The following LRMDA variants were observed in gnomAD, a reference collection of about 807,000 sequenced individuals.
The protein encoded by LRMDA is leucine rich melanocyte differentiation associated.
A neutral mutation model predicts 29.8 loss-of-function variants in LRMDA; 18 were observed. The ratio of observed to expected loss-of-function variants is 0.60; its 90% CI spans 0.42 to 0.90. The LOEUF is 0.90. Ranked by LOEUF, LRMDA falls within the 40% of genes least tolerant of loss-of-function variation. The probability of loss-of-function intolerance (pLI) is 0.00; values close to 1 mark genes in which losing one functional copy is unlikely to be tolerated. For synonymous variants in LRMDA, 125 were observed against 109.4 expected, an observed-to-expected ratio of 1.14 and a Z score of -0.89; for missense variants, 273 against 273.9, an observed-to-expected ratio of 1.00 and a Z score of 0.02.
At chr10:75,704,880 TGA>T (rs1273353737) in intron 2 of LRMDA, among the ~76,000 whole-genome samples, 2 of 152,040 alleles carry the variant, frequency 1.3e-5, no homozygotes, top group African/African-American at 4.8e-5. Context: ...AAGGGAACAG[TGA>T]GAGAGGAGAG....
In LRMDA at chr10:75,481,789, G is replaced by A. The variant is rs115323720; in HGVS notation, c.131+43295G>A. 7.6e-3 allele frequency among the ~76,000 whole-genome samples: 1,158 copies of A among 152,198 alleles called. 15 individuals are homozygous for A. Among genetic ancestry groups the A allele is most frequent in the African/African-American group, 0.026 (1,097 of 41,512 alleles). ...ACCACATTCTCCCTCTCTCTGCCCA[G>A]CCACACCATTCTTTCTTAAATGCCT... On this transcript the variant is annotated intron_variant, in intron 2 of 6. Coordinates refer to ENST00000611255, the MANE Select transcript of LRMDA (RefSeq NM_001305581.2).
chr10:76,343,629 C>G (rs1297691773), intron 6 of LRMDA, among the ~76,000 whole-genome samples: 1 of 152,072 alleles, frequency 6.6e-6, no homozygotes, highest in Non-Finnish European at 1.5e-5. Context: ...ACACATCCAT[C>G]TCAGTCCAAA....
chr10:75,782,108 G>T (rs925759020), intron 2 of LRMDA, among the ~76,000 whole-genome samples: 18 of 152,198 alleles, frequency 1.2e-4, no homozygotes, highest in Non-Finnish European at 7.3e-5. Flanking sequence ...TTGATGACCT[G>T]CTGAGGTATT....
intron 2 of LRMDA, among the ~76,000 whole-genome samples, chr10:75,832,867 C>T (rs778514214): frequency 9.2e-5 from 14 of 152,186 alleles, no homozygotes; most frequent in African/African-American, 2.7e-4. Flanking sequence ...GAGAACAACA[C>T]GAGAAAGACC....
intron 4 of LRMDA, among the ~76,000 whole-genome samples, chr10:76,049,431 G>A (rs1848494458): frequency 6.6e-6 from 1 of 152,226 alleles, no homozygotes; most frequent in African/African-American, 2.4e-5. Context: ...CAGTAAATAT[G>A]TTCCCATGTA....
chr10:76,326,401 G>C (rs908742596), intron 6 of LRMDA, among the ~76,000 whole-genome samples: 9 of 152,102 alleles, frequency 5.9e-5, no homozygotes, highest in African/African-American at 2.2e-4. Flanking sequence ...TCAAGTTTCT[G>C]ATCATGTACA....
At chr10:76,088,824 G>C (rs1450768461) in intron 5 of LRMDA, among the ~76,000 whole-genome samples, 1 of 151,974 alleles carries the variant, frequency 6.6e-6, no homozygotes, top group Non-Finnish European at 1.5e-5. Flanking sequence ...CCATATTCTA[G>C]AATGAACAAT....
intron 5 of LRMDA, among the ~76,000 whole-genome samples, chr10:76,204,649 C>T (rs1393094843): frequency 6.6e-6 from 1 of 152,192 alleles, no homozygotes; most frequent in Admixed American, 6.5e-5. Flanking sequence ...GGCTCTTTCC[C>T]TAAGATACAA....
At chr10:76,494,280 T>G (rs978067739) in intron 6 of LRMDA, among the ~76,000 whole-genome samples, 2 of 151,302 alleles carry the variant, frequency 1.3e-5, no homozygotes, top group Non-Finnish European at 3.0e-5. Context: ...AGTTTTTAAC[T>G]AAAAATTTAG....
chr10:76,096,796 A>G (rs1849318219), intron 5 of LRMDA, among the ~76,000 whole-genome samples: 1 of 152,112 alleles, frequency 6.6e-6, no homozygotes, highest in Non-Finnish European at 1.5e-5. Context: ...AATTTTCAGC[A>G]TATAAATCTT....
intron 6 of LRMDA, among the ~76,000 whole-genome samples, chr10:76,409,032 C>G (rs539210963): frequency 6.6e-6 from 1 of 152,254 alleles, no homozygotes; most frequent in African/African-American, 2.4e-5. Flanking sequence ...TCATTACTAC[C>G]ATCTGGAGAC....
intron 6 of LRMDA, among the ~76,000 whole-genome samples, chr10:76,328,039 T>C (rs1166594754): frequency 6.6e-6 from 1 of 152,208 alleles, no homozygotes; most frequent in Non-Finnish European, 1.5e-5. Context: ...AAGATACAGA[T>C]TGTGGTACAC....
At chr10:75,759,928 A>G (rs1181377249) in intron 2 of LRMDA, among the ~76,000 whole-genome samples, 1 of 152,222 alleles carries the variant, frequency 6.6e-6, no homozygotes, top group Non-Finnish European at 1.5e-5. Flanking sequence ...CTATTTTTAT[A>G]AAGTACATGC....
At chr10:75,444,293 C>CT (rs1365221851) in intron 2 of LRMDA, among the ~76,000 whole-genome samples, 2 of 152,180 alleles carry the variant, frequency 1.3e-5, no homozygotes, top group Admixed American at 1.3e-4. Flanking sequence ...TTTTGTGACT[C>CT]TTTTCTGGGG....
At chr10:76,154,303 G>T (rs1031898002) in intron 5 of LRMDA, among the ~76,000 whole-genome samples, 2 of 152,156 alleles carry the variant, frequency 1.3e-5, no homozygotes, top group African/African-American at 4.8e-5. Context: ...CAGGTATTCT[G>T]TTTTGTTGTC....
At chr10:75,928,167 G>T (rs916305624) in intron 2 of LRMDA, among the ~76,000 whole-genome samples, 4 of 152,118 alleles carry the variant, frequency 2.6e-5, no homozygotes, top group Non-Finnish European at 4.4e-5. Flanking sequence ...CTCTTGGGGT[G>T]GGGGGTGAAT....
At chr10:76,466,418 C>CA (rs368537752) in intron 6 of LRMDA, among the ~76,000 whole-genome samples, 1 of 151,902 alleles carries the variant, frequency 6.6e-6, no homozygotes, top group Non-Finnish European at 1.5e-5. Context: ...TGTCCGCTGG[C>CA]AAAAAAGAAG....
At chr10:76,395,014 A>C (rs528641668) in intron 6 of LRMDA, among the ~76,000 whole-genome samples, 45 of 152,188 alleles carry the variant, frequency 3.0e-4, no homozygotes, top group Non-Finnish European at 4.1e-4. Flanking sequence ...GAACATATCT[A>C]AGAAGAGTAG....
chr10:76,390,576 TACCTGTGTAGCCATTCTGGCTG>T (rs1160770913), intron 6 of LRMDA, among the ~76,000 whole-genome samples: 4 of 151,926 alleles, frequency 2.6e-5, no homozygotes, highest in Non-Finnish European at 5.9e-5. Flanking sequence ...AGTCAGTATG[TACCTGTGTAGCCATTCTGGCTG>T]AAATACTTCC....
Sources: allele counts gnomAD v4.1 joint callset (sites outside exome capture counted in the v4.1 genomes callset), GRCh38; gene constraint gnomAD v4.1.1; transcripts MANE v1.5; gene names NCBI Gene and HGNC (gene_info 2026-07-23, HGNC 2026-07-21).